FMR1: variants seen among roughly 807,000 people sequenced by gnomAD.
The protein encoded by FMR1 is FMRP translational regulator 1.
FMR1 carries 13 observed loss-of-function variants against 50.6 expected under a neutral mutation model. That is an observed-to-expected ratio of 0.26 (90% CI 0.17 to 0.41). The LOEUF (loss-of-function observed/expected upper bound fraction) is 0.41. Among genes scored for constraint, FMR1 ranks in the 10% least tolerant of loss-of-function variants. The pLI is 1.00. For synonymous variants in FMR1, 138 were observed against 164.1 expected (o/e 0.84, Z 1.22); for missense variants, 316 against 491.3 (o/e 0.64, Z 3.37).
At chrX:147,914,782 A>C (rs1275224540) in intron 1 of FMR1, among the ~76,000 whole-genome samples, 2 of 112,329 alleles carry the variant, frequency 1.8e-5, no homozygotes, top group Non-Finnish European at 3.8e-5. Flanking sequence ...CTTACACCTC[A>C]TAAAATCTTT....
At chrX:147,925,910 T>C (rs1381120022) in intron 3 of FMR1, among the ~76,000 whole-genome samples, 1 of 112,009 alleles carries the variant, frequency 8.9e-6, no homozygotes, top group Non-Finnish European at 1.9e-5. Flanking sequence ...TCTCTCAATT[T>C]CTGAATCTTT....
At chrX:147,945,688 C>A in intron 16 of FMR1, 72 bp downstream of exon 16, 1 of 784,298 alleles carries the variant, frequency 1.3e-6, no homozygotes, top group Non-Finnish European at 1.9e-6. Context: ...GTTTATTTTA[C>A]TTTATTAAAA....
intron 5 of FMR1, 47 bp from the exon 6 acceptor site, chrX:147,929,901 C>T (rs1350124984): frequency 6.0e-6 from 5 of 828,273 alleles, no homozygotes; most frequent in African/African-American, 2.1e-5. Context: ...TTATTTATGT[C>T]AGTAGTTGGT....
At chrX:147,944,616 G>A in intron 14 of FMR1, 6 of 1,005,134 alleles carry the variant, frequency 6.0e-6, no homozygotes, top group Non-Finnish European at 7.5e-6. Context: ...GAACTTAGGT[G>A]GCTAATAACA....
intron 9 of FMR1, among the ~76,000 whole-genome samples, chrX:147,934,066 G>A (rs1357147247): frequency 1.8e-5 from 2 of 112,287 alleles, no homozygotes; most frequent in African/African-American, 6.5e-5. Flanking sequence ...AAGATAAAGT[G>A]CTAATCTCAA....
chrX:147,929,083 G>T (rs1285626414), intron 5 of FMR1, among the ~76,000 whole-genome samples: 1 of 111,822 alleles, frequency 8.9e-6, no homozygotes, highest in African/African-American at 3.2e-5. Context: ...AACTAACTTT[G>T]TTCATTCTAA....
Position 147,944,789 on chromosome X carries a change from C to T in FMR1, c.1472-80C>T, listed in dbSNP as rs1341231114. The T allele has an allele frequency of 4.4e-6, 5 of 1,142,466 alleles. No homozygotes were observed. In the African/African-American group the frequency reaches 8.1e-5, roughly 18 times the overall value. The allele number at this position is 1,142,466 out of a possible 1,213,427, so 94.2% of individuals were successfully genotyped here. On this transcript the variant is annotated intron_variant, in intron 14 of 16. Coordinates refer to ENST00000370475, the MANE Select transcript of FMR1 (RefSeq NM_002024.6). Reference sequence around the variant, plus strand: ...GAAGAGTTTTGGATTACCCCTGAAACGTCTCTGGAAGCTTCTGTTAACCCT... The same window carrying T: ...GAAGAGTTTTGGATTACCCCTGAAATGTCTCTGGAAGCTTCTGTTAACCCT...
chrX:147,933,633 T>C (rs1557179200), intron 9 of FMR1: 1 of 846,516 alleles, frequency 1.2e-6, no homozygotes, highest in Non-Finnish European at 1.4e-6. Context: ...GGTGCAGTTT[T>C]ATCAAGAAAG....
At chrX:147,931,556 C>A (rs2043608791) in intron 7 of FMR1, among the ~76,000 whole-genome samples, 2 of 111,617 alleles carry the variant, frequency 1.8e-5, no homozygotes, top group Non-Finnish European at 3.8e-5. Context: ...TTACATGTTC[C>A]TATAAGAAAT....
intron 3 of FMR1, 198 bp from the exon 4 acceptor site, chrX:147,928,124 T>C (rs2124502720): frequency 2.6e-6 from 1 of 389,005 alleles, no homozygotes; most frequent in East Asian, 4.1e-5. Context: ...TTCAAAGCAA[T>C]CTCAGGTAGT....
intron 2 of FMR1, among the ~76,000 whole-genome samples, chrX:147,924,405 T>C (rs1205390025): frequency 1.8e-5 from 2 of 110,254 alleles, no homozygotes; most frequent in Non-Finnish European, 3.8e-5. Flanking sequence ...AGAACCCAGA[T>C]GTGACTGCTC....
intron 16 of FMR1, 64 bp from the exon 17 acceptor site, chrX:147,948,619 T>G: frequency 8.3e-7 from 1 of 1,206,518 alleles, no homozygotes. Flanking sequence ...AAATTTCTTG[T>G]CAGGCCAATT....
chrX:147,931,761 T>G (rs1287141451), intron 7 of FMR1, among the ~76,000 whole-genome samples: 2 of 111,967 alleles, frequency 1.8e-5, no homozygotes, highest in African/African-American at 3.2e-5. Context: ...CACAAGGTCT[T>G]ACGGACTCTG....
At chrX:147,937,710 AT>A (rs1189908032) in intron 11 of FMR1, 110 bp downstream of exon 11, 10 of 536,214 alleles carry the variant, frequency 1.9e-5, no homozygotes, top group African/African-American at 4.7e-5. Context: ...CTTATGTTCT[AT>A]TTTTTTTCCA....
At chrX:147,915,213 TATG>T (rs1427065627) in intron 1 of FMR1, among the ~76,000 whole-genome samples, 1 of 112,044 alleles carries the variant, frequency 8.9e-6, no homozygotes, top group African/African-American at 3.2e-5. Flanking sequence ...AGCAGCTAAA[TATG>T]ATAAAGTGTA....
intron 12 of FMR1, among the ~76,000 whole-genome samples, chrX:147,939,629 G>C (rs1343966487): frequency 9.1e-6 from 1 of 110,217 alleles, no homozygotes; most frequent in Non-Finnish European, 1.9e-5. Context: ...AGGCGCGATG[G>C]CTCATGCCTG....
In FMR1 at chrX:147,938,083, C is replaced by A. The variant is rs375814197; in HGVS notation, c.1126-16C>A. ...TATAGTTAATGACATCCCTTGCATT[C>A]CTTATACTGCTTTAGGTGTTAGTGG... is the stretch of plus-strand genomic sequence containing the variant. On this transcript the variant is annotated splice_polypyrimidine_tract_variant and intron_variant, in intron 11 of 16. Transcript: ENST00000370475. 3.1e-5 allele frequency: 37 copies of A among 1,189,831 alleles called. No homozygotes were observed. Among genetic ancestry groups the A allele is most frequent in the Middle Eastern group, 4.6e-4 (2 of 4,319 alleles).
At chrX:147,927,170 A>G (rs1327672447) in intron 3 of FMR1, among the ~76,000 whole-genome samples, 1 of 112,122 alleles carries the variant, frequency 8.9e-6, no homozygotes, top group African/African-American at 3.2e-5. Context: ...TCCCCAGAAG[A>G]CTGTAAGCTC....
In FMR1 at chrX:147,949,645, T is replaced by G; in HGVS notation, c.*801T>G. On this transcript the variant is annotated 3_prime_UTR_variant, in exon 17 of 17. Transcript: ENST00000370475. ...AGTGTTATTGAGAGAGATGTGTAATTTTTCTGTATAGACAGGAGAAGAAAG... is the reference window on the plus strand; with the variant it reads ...AGTGTTATTGAGAGAGATGTGTAATGTTTCTGTATAGACAGGAGAAGAAAG... The G allele has an allele frequency of 3.0e-6, 1 of 329,525 alleles. No individual in the cohort carries two copies. The allele number at this position is 329,525 out of a possible 1,213,427, so 27.2% of individuals were successfully genotyped here. A position where few individuals can be genotyped will look rare whatever the true frequency, so the allele number is the denominator to read the frequency against.
Sources: allele counts gnomAD v4.1 joint callset (sites outside exome capture counted in the v4.1 genomes callset), GRCh38; gene constraint gnomAD v4.1.1; transcripts MANE v1.5; gene names NCBI Gene and HGNC (gene_info 2026-07-23, HGNC 2026-07-21).